Variants in MYOCD observed in about 807,000 individuals in gnomAD.
The protein encoded by MYOCD is myocardin.
Under a neutral mutation model 96.1 loss-of-function variants are expected in MYOCD, and 32 were observed. The ratio of observed to expected loss-of-function variants is 0.33; its 90% confidence interval spans 0.25 to 0.45. MYOCD has a LOEUF of 0.45. Ranked by LOEUF, MYOCD falls within the 20% of genes least tolerant of loss-of-function variation. The pLI is 1.00. For missense variants in MYOCD, 1,133 were observed against 1,200.6 expected (o/e 0.94, Z 0.83); for synonymous variants, 469 against 469.0 (o/e 1.00, Z 0.00).
chr17:12,763,042 T>C, intron 13 of MYOCD, 31 bp from the exon 14 acceptor site: 1 of 1,555,806 alleles, frequency 6.4e-7, no homozygotes, highest in Non-Finnish European at 8.7e-7. Flanking sequence ...TTTGAAGTGA[T>C]TTAACAAGTC....
At position 12,763,190 on chromosome 17, in the gene MYOCD, C is replaced by T. The variant is rs766467292; in HGVS notation, c.2507C>T (p.Ala836Val). ...AAGCCCTCGGCTTCCTTTGAACAAG[C>T]CTCTTCAGGCAGCCAGATCCCCTTT... ...LTKPSASFEQASSGSQIPFDP... is the reference protein window; with the variant it reads ...LTKPSASFEQVSSGSQIPFDP... Residue 836 changes from alanine (A) to valine (V), a missense_variant, in exon 14 of 14, where the codon GCC (alanine) becomes GTC (valine). Coordinates refer to ENST00000425538, the MANE Select transcript of MYOCD (RefSeq NM_001146312.3). The T allele has an allele frequency of 1.5e-5, 25 of 1,614,190 alleles. No individual in the cohort carries two copies. The highest frequency in any genetic ancestry group is 1.9e-5 in the Non-Finnish European group (23 of 1,180,026).
chr17:12,708,709 T>C (rs1373740215), intron 2 of MYOCD, among the ~76,000 whole-genome samples: 3 of 152,094 alleles, frequency 2.0e-5, no homozygotes, highest in African/African-American at 4.8e-5. Flanking sequence ...TATTTTTAAC[T>C]GGTCGACAGA....
At chr17:12,715,629 A>C in intron 3 of MYOCD, 55 bp downstream of exon 3, 1 of 1,405,352 alleles carries the variant, frequency 7.1e-7, no homozygotes, top group Non-Finnish European at 1.0e-6. Flanking sequence ...TGAATCTCTG[A>C]ATGCTAATCC....
At chr17:12,707,387 T>C (rs1002817688) in intron 2 of MYOCD, among the ~76,000 whole-genome samples, 3 of 151,782 alleles carry the variant, frequency 2.0e-5, no homozygotes, top group Non-Finnish European at 4.4e-5. Context: ...AGAGTCAAGA[T>C]ATTAGGGGGA....
intron 5 of MYOCD, among the ~76,000 whole-genome samples, chr17:12,726,513 C>T (rs2032004528): frequency 6.6e-6 from 1 of 152,182 alleles, no homozygotes; most frequent in Non-Finnish European, 1.5e-5. Context: ...ATGAACACAT[C>T]ACTTCCACTC....
In MYOCD at chr17:12,717,441, G is replaced by T; in HGVS notation, c.253+20G>T. On this transcript the variant is annotated intron_variant, in intron 4 of 13. Transcript: ENST00000425538. ...TCCAAGGTAAGGCTGCAAGAAATCA[G>T]ACACCAAGAGATGCTGCAGAATGGT... The T allele has an allele frequency of 6.3e-7, 1 of 1,595,256 alleles. No individual in the cohort carries two copies. The highest frequency in any genetic ancestry group is 1.1e-5 in the South Asian group (1 of 90,274).
intron 1 of MYOCD, among the ~76,000 whole-genome samples, chr17:12,667,060 C>A (rs1004124433): frequency 6.6e-6 from 1 of 152,224 alleles, no homozygotes; most frequent in Non-Finnish European, 1.5e-5. Flanking sequence ...TGGTTAACAA[C>A]ACACTCAACA....
intron 8 of MYOCD, 29 bp from the exon 9 acceptor site, chr17:12,745,890 C>G (rs758879419): frequency 6.2e-7 from 1 of 1,611,854 alleles, no homozygotes; most frequent in Non-Finnish European, 8.5e-7. Flanking sequence ...TTTGATTGTA[C>G]TTGAAATGCC....
chr17:12,722,967 A>C lies in MYOCD; in HGVS notation c.374A>C (p.Asn125Thr), dbSNP rs771017475. Reference protein sequence around the residue: ...RPGPLELVEKNILPVDSAVKE... With the variant: ...RPGPLELVEKTILPVDSAVKE... Reference sequence around the variant, plus strand: ...GGGCCACTGGAGCTGGTGGAAAAAAACATTCTTCCTGTGGATTCTGCTGTG... The same window carrying C: ...GGGCCACTGGAGCTGGTGGAAAAAACCATTCTTCCTGTGGATTCTGCTGTG... The change falls in exon 5 of 14, where the codon AAC becomes ACC. Residue 125 changes from asparagine (N) to threonine (T), a missense_variant. Asn to Thr is a moderately conservative substitution (Grantham distance 65, BLOSUM62 0). Coordinates refer to ENST00000425538, the MANE Select transcript of MYOCD (RefSeq NM_001146312.3). 6.2e-7 allele frequency: 1 copy of C among 1,614,014 alleles called. No individual in the cohort carries two copies. The highest frequency in any genetic ancestry group is 8.5e-7 in the Non-Finnish European group (1 of 1,179,960).
At chr17:12,670,295 T>C (rs1248260851) in intron 1 of MYOCD, among the ~76,000 whole-genome samples, 2 of 152,198 alleles carry the variant, frequency 1.3e-5, no homozygotes, top group East Asian at 3.8e-4. Flanking sequence ...CTGTAATTGG[T>C]TGCTTGTCCT....
In MYOCD at chr17:12,763,211, C is replaced by G; in HGVS notation, c.2528C>G (p.Pro843Arg). 6.2e-7 allele frequency: 1 copy of G among 1,614,102 alleles called. No homozygotes were observed. Among genetic ancestry groups the G allele is most frequent in the Non-Finnish European group, 8.5e-7 (1 of 1,180,006 alleles). Residue 843 changes from proline to arginine, a missense_variant, in exon 14 of 14, where the codon CCC (proline) becomes CGC (arginine). Physicochemically the swap from Pro to Arg is moderately radical, Grantham distance 103. Transcript: ENST00000425538. ...CAAGCCTCTTCAGGCAGCCAGATCC[C>G]CTTTGATCCCTATGCCACCGACAGT... ...FEQASSGSQIPFDPYATDSDE... is the reference protein window; with the variant it reads ...FEQASSGSQIRFDPYATDSDE...
chr17:12,700,889 A>G (rs1021165320), intron 1 of MYOCD, among the ~76,000 whole-genome samples: 4 of 152,056 alleles, frequency 2.6e-5, no homozygotes, highest in Non-Finnish European at 5.9e-5. Context: ...CCGGGGCCTG[A>G]ATATTTTTGT....
intron 2 of MYOCD, among the ~76,000 whole-genome samples, chr17:12,710,897 C>T (rs1267923945): frequency 1.3e-5 from 2 of 152,202 alleles, no homozygotes; most frequent in Admixed American, 1.3e-4. Context: ...TTTTCCATTT[C>T]CCTGTTCCTT....
chr17:12,752,142 A>G (rs2032869670), intron 9 of MYOCD, among the ~76,000 whole-genome samples: 1 of 152,232 alleles, frequency 6.6e-6, no homozygotes, highest in African/African-American at 2.4e-5. Context: ...GACGGGCAGT[A>G]GATTAGATGA....
intron 1 of MYOCD, among the ~76,000 whole-genome samples, chr17:12,677,590 T>C (rs1164350279): frequency 6.6e-6 from 1 of 151,462 alleles, no homozygotes; most frequent in Admixed American, 6.6e-5. Context: ...CGGGCACCTG[T>C]AGTCCCAGCT....
chr17:12,691,808 G>C (rs543939284), intron 1 of MYOCD, among the ~76,000 whole-genome samples: 1 of 152,288 alleles, frequency 6.6e-6, no homozygotes, highest in South Asian at 2.1e-4. Context: ...AAATTTGCCT[G>C]CCTAAGTTTA....
chr17:12,753,860 G>A (rs1597810473), intron 10 of MYOCD, among the ~76,000 whole-genome samples: 1 of 152,076 alleles, frequency 6.6e-6, no homozygotes, highest in Non-Finnish European at 1.5e-5. Flanking sequence ...TTCATGTAAT[G>A]GTCTGCATAG....
chr17:12,678,714 G>T (rs1008369687), intron 1 of MYOCD, among the ~76,000 whole-genome samples: 2 of 151,798 alleles, frequency 1.3e-5, no homozygotes, highest in Non-Finnish European at 2.9e-5. Flanking sequence ...ATTATTATTT[G>T]AGATGGAGTC....
At chr17:12,716,408 A>G (rs2031641644) in intron 3 of MYOCD, among the ~76,000 whole-genome samples, 1 of 152,168 alleles carries the variant, frequency 6.6e-6, no homozygotes, top group Admixed American at 6.5e-5. Context: ...AAAACCCAGA[A>G]CTAGACATCA....
Sources: gnomAD v4.1 joint callset for allele counts (sites outside exome capture counted in the v4.1 genomes callset) on GRCh38, gnomAD v4.1.1 for gene constraint, MANE v1.5 for transcripts, NCBI Gene and HGNC (gene_info 2026-07-23, HGNC 2026-07-21) for gene names.